Variants in UGT1A4 observed in about 807,000 individuals in gnomAD.
UGT1A4 encodes UDP glucuronosyltransferase family 1 member A4, also known as UDP-glucuronosyltransferase 1A4.
In UGT1A4, 32 loss-of-function variants were observed where a neutral mutation model predicts 41.1. The ratio of observed to expected loss-of-function variants is 0.78; its 90% CI spans 0.59 to 1.05. UGT1A4 has a LOEUF of 1.05. Ranked by LOEUF, UGT1A4 falls within the 50% of genes least tolerant of loss-of-function variation. The pLI is 0.00. For synonymous variants in UGT1A4, 283 were observed against 265.1 expected, an observed-to-expected ratio of 1.07 and a Z score of -0.66; for missense variants, 748 against 677.4, an observed-to-expected ratio of 1.10 and a Z score of -1.16.
At chr2:233,772,033 A>T (rs33979061) in intron 4 of UGT1A4, among the ~76,000 whole-genome samples, 1 of 152,088 alleles carries the variant, frequency 6.6e-6, no homozygotes, top group Non-Finnish European at 1.5e-5. Flanking sequence ...GGATGGCTTG[A>T]GCCCAGGAGT....
chr2:233,772,599 C>A lies in UGT1A4; in HGVS notation c.*40C>A, dbSNP rs1313882407. ...ATAAGGTAAAATTTTGAACCATTCC[C>A]TAGTCATTTCCAAACTTGAAAACAG... On this transcript the variant is annotated 3_prime_UTR_variant, in exon 5 of 5. Coordinates refer to ENST00000373409, the MANE Select transcript of UGT1A4 (RefSeq NM_007120.3). 3.8e-6 allele frequency: 6 copies of A among 1,591,492 alleles called. No individual in the cohort carries two copies. Among genetic ancestry groups the A allele is most frequent in the Non-Finnish European group, 5.1e-6 (6 of 1,168,132 alleles).
intron 1 of UGT1A4, chr2:233,740,907 T>C (rs1395236903): frequency 3.6e-5 from 5 of 140,068 alleles, no homozygotes; most frequent in South Asian, 4.8e-4. Context: ...AGGTCAACAT[T>C]GTTCCCATCT....
At chr2:233,745,472 G>T (rs1454081365) in intron 1 of UGT1A4, among the ~76,000 whole-genome samples, 5 of 151,704 alleles carry the variant, frequency 3.3e-5, no homozygotes, top group Non-Finnish European at 7.4e-5. Flanking sequence ...AGGGGAAAAT[G>T]ATTAACCAAA....
intron 1 of UGT1A4, among the ~76,000 whole-genome samples, chr2:233,762,865 T>G (rs1473495061): frequency 6.6e-6 from 1 of 152,238 alleles, no homozygotes; most frequent in Non-Finnish European, 1.5e-5. Context: ...TAAAGAAATT[T>G]TGGTTTCTTC....
chr2:233,749,307 G>A (rs1308092621), intron 1 of UGT1A4, among the ~76,000 whole-genome samples: 5 of 151,782 alleles, frequency 3.3e-5, no homozygotes, highest in Non-Finnish European at 7.4e-5. Context: ...TAAAATATGT[G>A]TTTATTAGAT....
intron 1 of UGT1A4, among the ~76,000 whole-genome samples, chr2:233,764,942 G>T (rs12479045): frequency 6.6e-6 from 1 of 152,080 alleles, no homozygotes; most frequent in African/African-American, 2.4e-5. Flanking sequence ...TGAGAGTGGC[G>T]GGGAGAGAGG....
intron 1 of UGT1A4, among the ~76,000 whole-genome samples, chr2:233,750,112 A>G (rs965071088): frequency 7.2e-5 from 11 of 151,944 alleles, no homozygotes; most frequent in Middle Eastern, 3.2e-3. Flanking sequence ...AGAAGAAGAC[A>G]GGAAGATGTG....
intron 1 of UGT1A4, among the ~76,000 whole-genome samples, chr2:233,765,843 C>T (rs546022798): frequency 6.6e-6 from 1 of 151,968 alleles, no homozygotes; most frequent in Admixed American, 6.6e-5. Flanking sequence ...TTTCCTTGTC[C>T]CCCTCACAGA....
intron 1 of UGT1A4, among the ~76,000 whole-genome samples, chr2:233,757,541 T>TATAC (rs1229454769): frequency 1.7e-5 from 2 of 117,592 alleles, no homozygotes; most frequent in Non-Finnish European, 3.6e-5. Flanking sequence ...AAGGAATATA[T>TATAC]ATATATATAT....
intron 1 of UGT1A4, chr2:233,760,693 C>T (rs1697531217): frequency 1.9e-6 from 3 of 1,614,162 alleles, no homozygotes; most frequent in Non-Finnish European, 2.5e-6. Flanking sequence ...CAACAAGGAG[C>T]TCATGGCCTC....
intron 1 of UGT1A4, among the ~76,000 whole-genome samples, chr2:233,757,812 T>C (rs772268398): frequency 4.0e-5 from 6 of 151,794 alleles, no homozygotes; most frequent in Non-Finnish European, 8.8e-5. Flanking sequence ...TGAAAGGAGC[T>C]GGTAGTGTGT....
chr2:233,747,316 C>T lies in UGT1A4; in HGVS notation c.868-19718C>T, dbSNP rs1693620953. The T allele has an allele frequency of 6.9e-6, 11 of 1,603,150 alleles. No homozygotes were observed. In the South Asian group the frequency reaches 1.2e-4, roughly 18 times the overall value. On this transcript the variant is annotated intron_variant, in intron 1 of 4. Coordinates refer to ENST00000373409, the MANE Select transcript of UGT1A4 (RefSeq NM_007120.3). ...TGAGAGTGGGAAGGTGCTGGTGGTA[C>T]CCATTGATGGCAGCCACTGGCTCGC... is the stretch of plus-strand genomic sequence containing the variant.
At chr2:233,732,540 C>T (rs929935072) in intron 1 of UGT1A4, among the ~76,000 whole-genome samples, 1 of 152,202 alleles carries the variant, frequency 6.6e-6, no homozygotes, top group Non-Finnish European at 1.5e-5. Context: ...CCAGTTTTCC[C>T]AGCACCATTT....
At chr2:233,741,968 A>G (rs1276374481) in intron 1 of UGT1A4, 1 of 151,884 alleles carries the variant, frequency 6.6e-6, no homozygotes, top group Non-Finnish European at 1.5e-5. Context: ...TGTTGTGTTT[A>G]TGGTGCCTCA....
In UGT1A4 at chr2:233,722,286, T is replaced by C. The variant is rs567045948; in HGVS notation, c.867+2599T>C. 3.3e-5 allele frequency among the ~76,000 whole-genome samples: 5 copies of C among 152,342 alleles called. No homozygotes were observed. In the South Asian group the frequency reaches 8.3e-4, roughly 25 times the overall value. Reference sequence around the variant, plus strand: ...ATCATTTTTATTACATTGATTTCCTTTGTTATTTTGTCACCCTTACTTACT... The same window carrying C: ...ATCATTTTTATTACATTGATTTCCTCTGTTATTTTGTCACCCTTACTTACT... On this transcript the variant is annotated intron_variant, in intron 1 of 4. Transcript: ENST00000373409.
At position 233,772,404 on chromosome 2, in the gene UGT1A4, T is replaced by C; in HGVS notation, c.1450T>C (p.Trp484Arg). The change falls in exon 5 of 5, where the codon TGG becomes CGG. Residue 484 changes from tryptophan (W) to arginine (R), a missense_variant. Coordinates refer to ENST00000373409, the MANE Select transcript of UGT1A4 (RefSeq NM_007120.3). ...HLRPAAHDLT[W>R]YQYHSLDVIG... ...GCGCCCCGCAGCCCACGACCTCACC[T>C]GGTACCAGTACCATTCCTTGGACGT... is the stretch of plus-strand genomic sequence containing the variant. 6.2e-7 allele frequency: 1 copy of C among 1,614,214 alleles called. No individual in the cohort carries two copies. The highest frequency in any genetic ancestry group is 8.5e-7 in the Non-Finnish European group (1 of 1,180,034).
chr2:233,746,228 CA>C (rs1693331108), intron 1 of UGT1A4, among the ~76,000 whole-genome samples: 1 of 151,630 alleles, frequency 6.6e-6, no homozygotes, highest in Non-Finnish European at 1.5e-5. Context: ...GACAGATATG[CA>C]AACTGCTAAA....
intron 1 of UGT1A4, among the ~76,000 whole-genome samples, chr2:233,720,641 G>C (rs1280167515): frequency 6.6e-6 from 1 of 151,852 alleles, no homozygotes; most frequent in Non-Finnish European, 1.5e-5. Context: ...AGTACTCTGG[G>C]ATGTGAAAAA....
At chr2:233,767,785 G>C (rs1699483415) in intron 2 of UGT1A4, 64 bp from the exon 3 acceptor site, 2 of 1,613,510 alleles carry the variant, frequency 1.2e-6, no homozygotes, top group Non-Finnish European at 1.7e-6. Flanking sequence ...AGTTAGTATA[G>C]CAGATTTGTT....
Sources: gnomAD v4.1 joint callset for allele counts (sites outside exome capture counted in the v4.1 genomes callset) on GRCh38, gnomAD v4.1.1 for gene constraint, MANE v1.5 for transcripts, NCBI Gene and HGNC (gene_info 2026-07-23, HGNC 2026-07-21) for gene names.